Variants in VTCN1 observed in about 807,000 individuals in gnomAD.
The protein encoded by VTCN1 is V-set domain containing T cell activation inhibitor 1.
VTCN1 carries 26 observed loss-of-function variants against 26.5 expected under a neutral mutation model. The ratio of observed to expected loss-of-function variants is 0.98; its 90% CI spans 0.72 to 1.36. VTCN1 has a LOEUF of 1.36. Among genes scored for constraint, VTCN1 ranks in the 40% most tolerant of loss-of-function variants. VTCN1 has a pLI of 0.00. For synonymous variants in VTCN1, 116 were observed against 130.7 expected (o/e 0.89, Z 0.77); for missense variants, 298 against 337.7 (o/e 0.88, Z 0.92).
At chr1:117,170,647 C>T (rs528075192) in intron 1 of VTCN1, among the ~76,000 whole-genome samples, 6 of 152,272 alleles carry the variant, frequency 3.9e-5, no homozygotes, top group African/African-American at 1.4e-4. Flanking sequence ...TTTGTACCCA[C>T]TCACACCTCA....
chr1:117,174,494 C>A (rs1044070814), intron 1 of VTCN1, among the ~76,000 whole-genome samples: 3 of 152,284 alleles, frequency 2.0e-5, no homozygotes, highest in African/African-American at 4.8e-5. Context: ...AGGCCAGGCG[C>A]GGTGACTCAC....
intron 1 of VTCN1, among the ~76,000 whole-genome samples, chr1:117,186,524 T>G (rs1647953354): frequency 1.3e-5 from 2 of 152,192 alleles, no homozygotes; most frequent in Non-Finnish European, 2.9e-5. Context: ...GATTTTATAA[T>G]GTTGTGTTTT....
intron 1 of VTCN1, among the ~76,000 whole-genome samples, chr1:117,199,235 T>C (rs546776779): frequency 2.0e-5 from 3 of 152,366 alleles, no homozygotes; most frequent in African/African-American, 2.4e-5. Context: ...CTTAAGTCTA[T>C]AGGATTTTTG....
chr1:117,174,835 C>T (rs1259291928), intron 1 of VTCN1, among the ~76,000 whole-genome samples: 1 of 152,186 alleles, frequency 6.6e-6, no homozygotes, highest in African/African-American at 2.4e-5. Context: ...ATATATTGAG[C>T]TGATCCATGC....
intron 1 of VTCN1, chr1:117,203,497 T>C: frequency 5.1e-6 from 3 of 588,256 alleles, no homozygotes; most frequent in Non-Finnish European, 6.4e-6. Flanking sequence ...CCATGACCGC[T>C]GTGCTGGCAG....
intron 1 of VTCN1, among the ~76,000 whole-genome samples, chr1:117,202,164 T>C (rs1273084491): frequency 6.6e-6 from 1 of 152,238 alleles, no homozygotes; most frequent in African/African-American, 2.4e-5. Context: ...CATACTGTTA[T>C]ATTCTGTTCC....
intron 1 of VTCN1, among the ~76,000 whole-genome samples, chr1:117,171,746 GTCTCCATTTTATA>G (rs1336077200): frequency 1.3e-5 from 2 of 152,098 alleles, no homozygotes; most frequent in African/African-American, 4.8e-5. Context: ...AAATTTTATT[GTCTCCATTTTATA>G]GATGGGGAAG....
At chr1:117,166,617 G>A (rs868865354) in intron 2 of VTCN1, among the ~76,000 whole-genome samples, 1 of 149,508 alleles carries the variant, frequency 6.7e-6, no homozygotes, top group South Asian at 2.1e-4. Context: ...TTAGCCAGGT[G>A]TGGTGGTGCG....
In VTCN1 at chr1:117,161,617, T is replaced by G. The variant is rs1456376549; in HGVS notation, c.98-4696A>C. On this transcript the variant is annotated intron_variant, in intron 2 of 5. Coordinates refer to ENST00000369458, the MANE Select transcript of VTCN1 (RefSeq NM_024626.4). This position sits in a 1 kb window ranked among gnomAD's most constrained non-coding sequence, Gnocchi z 4.3. ...TTCTGCAGAGAAAAATAATGTTTGC[T>G]GAGTTTATGAATAAATGAATAAATA... Among the ~76,000 whole-genome samples, 1 of 152,178 alleles carries G rather than the reference T, an allele frequency of 6.6e-6. No homozygotes were observed. Among genetic ancestry groups the G allele is most frequent in the Non-Finnish European group, 1.5e-5 (1 of 68,030 alleles).
intron 1 of VTCN1, among the ~76,000 whole-genome samples, chr1:117,193,984 C>T (rs1326342628): frequency 6.6e-6 from 1 of 151,970 alleles, no homozygotes; most frequent in Non-Finnish European, 1.5e-5. Flanking sequence ...GGATATGACA[C>T]CAAAAACACA....
At chr1:117,204,342 A>G (rs1648938661) in intron 1 of VTCN1, among the ~76,000 whole-genome samples, 1 of 152,198 alleles carries the variant, frequency 6.6e-6, no homozygotes, top group Non-Finnish European at 1.5e-5. Context: ...CAGAGAGATT[A>G]AGTAACTTCC....
chr1:117,189,309 T>G (rs1354775035), intron 1 of VTCN1, among the ~76,000 whole-genome samples: 1 of 152,234 alleles, frequency 6.6e-6, no homozygotes, highest in Non-Finnish European at 1.5e-5. Flanking sequence ...TTCTCTCATT[T>G]CCTTTTCAGT....
chr1:117,164,662 A>G (rs1368777888), intron 2 of VTCN1, among the ~76,000 whole-genome samples: 1 of 152,218 alleles, frequency 6.6e-6, no homozygotes, highest in Non-Finnish European at 1.5e-5. Context: ...TTTAAGTTGT[A>G]TCCCAAAGGA....
intron 3 of VTCN1, 111 bp from the exon 4 acceptor site, chr1:117,153,480 T>TTA: frequency 9.6e-6 from 11 of 1,146,764 alleles, no homozygotes; most frequent in Non-Finnish European, 1.3e-5. Context: ...TTTTTTTTTT[T>TTA]ATCATTGAAG....
chr1:117,199,739 G>A (rs1052945813), intron 1 of VTCN1, among the ~76,000 whole-genome samples: 2 of 150,072 alleles, frequency 1.3e-5, no homozygotes, highest in Admixed American at 6.6e-5. Context: ...GGGTTCAAGC[G>A]ATTCTCCTGC....
At chr1:117,178,588 G>GTTTTTTTTTTTTTTTTTTTTTTTTT (rs10657719) in intron 1 of VTCN1, among the ~76,000 whole-genome samples, 1 of 88,270 alleles carries the variant, frequency 1.1e-5, no homozygotes, top group Non-Finnish European at 2.0e-5. Context: ...TCTTTCTTTC[G>GTTTTTTTTTTTTTTTTTTTTTTTTT]TTTTTTTTTT....
intron 2 of VTCN1, among the ~76,000 whole-genome samples, chr1:117,157,410 A>T (rs1652140158): frequency 6.6e-6 from 1 of 152,160 alleles, no homozygotes; most frequent in African/African-American, 2.4e-5. Context: ...AGGCCTCAGA[A>T]TCATGGAGGG....
At chr1:117,174,492 C>T (rs576529515) in intron 1 of VTCN1, among the ~76,000 whole-genome samples, 5 of 152,296 alleles carry the variant, frequency 3.3e-5, no homozygotes, top group South Asian at 2.1e-4. Context: ...ACAGGCCAGG[C>T]GCGGTGACTC....
chr1:117,183,510 C>G lies in VTCN1; in HGVS notation c.33-13339G>C, dbSNP rs1465429972. 1.3e-5 allele frequency among the ~76,000 whole-genome samples: 2 copies of G among 152,136 alleles called. No individual in the cohort carries two copies. The highest frequency in any genetic ancestry group is 4.8e-5 in the African/African-American group (2 of 41,430). On this transcript the variant is annotated intron_variant, in intron 1 of 5. Coordinates refer to ENST00000369458, the MANE Select transcript of VTCN1 (RefSeq NM_024626.4). This position sits in a 1 kb window ranked among gnomAD's most constrained non-coding sequence, Gnocchi z 4.1. ...TGTGGTATCAGAAATCTTGCTGATG[C>G]TATAAATTGTAACAAAATGCCTTGG...
Sources: allele counts gnomAD v4.1 joint callset (sites outside exome capture counted in the v4.1 genomes callset), GRCh38; gene constraint gnomAD v4.1.1; non-coding constraint Gnocchi (gnomAD v3.1); transcripts MANE v1.5; gene names NCBI Gene and HGNC (gene_info 2026-07-23, HGNC 2026-07-21).